Variants in ZNF814 observed in about 807,000 individuals in gnomAD.
ZNF814 encodes zinc finger protein 814.
A neutral mutation model predicts 7.5 loss-of-function variants in ZNF814; 5 were observed. The observed-to-expected ratio is 0.67, with a 90% CI of 0.35 to 1.40. The LOEUF (loss-of-function observed/expected upper bound fraction) is 1.40, where lower values mean the gene tolerates loss of function less well. Ranked by LOEUF, ZNF814 falls within the 40% of genes most tolerant of loss-of-function variation. The probability of loss-of-function intolerance (pLI) is 0.04; values close to 1 mark genes in which losing one functional copy is unlikely to be tolerated. For synonymous variants in ZNF814, 315 were observed against 340.7 expected, an observed-to-expected ratio of 0.92 and a Z score of 0.83; for missense variants, 962 against 1,018.0, an observed-to-expected ratio of 0.94 and a Z score of 0.75.
chr19:57,886,618 C>T (rs969897284), intron 1 of ZNF814, among the ~76,000 whole-genome samples: 1 of 151,824 alleles, frequency 6.6e-6, no homozygotes, highest in Non-Finnish European at 1.5e-5. Flanking sequence ...GTGGTTCACG[C>T]CTATAATCCC....
intron 1 of ZNF814, among the ~76,000 whole-genome samples, chr19:57,878,578 G>C (rs557207956): frequency 6.2e-4 from 93 of 150,934 alleles, no homozygotes; most frequent in African/African-American, 2.2e-3. Context: ...TCCTGCCTCA[G>C]CTCCTCAGTA....
chr19:57,897,249 A>G, the ZNF814 span, among the ~76,000 whole-genome samples: 1 of 152,166 alleles, frequency 6.6e-6, no homozygotes, highest in Admixed American at 6.5e-5. Context: ...ATTTGGCTGA[A>G]TATATTAAGG....
intron 1 of ZNF814, among the ~76,000 whole-genome samples, chr19:57,880,472 C>T (rs1309199978): frequency 2.6e-5 from 4 of 151,484 alleles, no homozygotes; most frequent in Admixed American, 6.6e-5. Context: ...ATACCACCTG[C>T]GTTATGGACT....
In ZNF814 at chr19:57,873,347, G is replaced by A. The variant is rs1328643200; in HGVS notation, c.2043C>T (p.Gly681=). The change falls in exon 3 of 3, where the codon GGC becomes GGT. Residue 681 remains glycine, a synonymous_variant. Transcript: ENST00000435989. ...ATACATAAGGTCTTTCTCCAGTATG[G>A]CCATGCTGGTGTAGAATGAGGTTAC... ...HKGNLILHQH[G]HTGERPYVCR... The A allele has an allele frequency of 6.3e-7, 1 of 1,595,536 alleles. No homozygotes were observed. Among genetic ancestry groups the A allele is most frequent in the Non-Finnish European group, 8.5e-7 (1 of 1,170,754 alleles).
Position 57,873,073 on chromosome 19 carries a change from C to T in ZNF814, c.2317G>A (p.Glu773Lys). The T allele has an allele frequency of 6.2e-7, 1 of 1,613,750 alleles. No individual in the cohort carries two copies. The highest frequency in any genetic ancestry group is 8.5e-7 in the Non-Finnish European group (1 of 1,179,910). Residue 773 changes from glutamate to lysine, a missense_variant, in exon 3 of 3, where the codon GAG (glutamate) becomes AAG (lysine). By Grantham distance (56) the Glu-to-Lys change is moderately conservative. Coordinates refer to ENST00000435989, the MANE Select transcript of ZNF814 (RefSeq NM_001144989.2). Reference sequence around the variant, plus strand: ...AAAGATTTTCCACATTCACTGCACTCATAAGGCTTTTCTCCAGTGTGAATT... The same window carrying T: ...AAAGATTTTCCACATTCACTGCACTTATAAGGCTTTTCTCCAGTGTGAATT... Reference protein sequence around the residue: ...KRIHTGEKPYECSECGKSFAE... With the variant: ...KRIHTGEKPYKCSECGKSFAE...
In ZNF814 at chr19:57,872,719, C is replaced by G. The variant is rs1357312096; in HGVS notation, c.*103G>C. ...AGAATGCAGAGCTGTGGGTAGATGACTTCCCACAATCACTGCATTCATATG... is the reference window on the plus strand; with the variant it reads ...AGAATGCAGAGCTGTGGGTAGATGAGTTCCCACAATCACTGCATTCATATG... On this transcript the variant is annotated 3_prime_UTR_variant, in exon 3 of 3. Transcript: ENST00000435989. The G allele has an allele frequency of 6.2e-7, 1 of 1,605,084 alleles. No individual in the cohort carries two copies. Among genetic ancestry groups the G allele is most frequent in the African/African-American group, 1.3e-5 (1 of 74,398 alleles).
chr19:57,883,152 A>T (rs1269096198), intron 1 of ZNF814, among the ~76,000 whole-genome samples: 3 of 151,842 alleles, frequency 2.0e-5, no homozygotes, highest in Admixed American at 1.3e-4. Flanking sequence ...AATTCAGGAG[A>T]TCGAGACCAT....
intron 1 of ZNF814, among the ~76,000 whole-genome samples, chr19:57,878,909 G>GCACACA (rs151236809): frequency 6.6e-6 from 1 of 151,030 alleles, no homozygotes; most frequent in East Asian, 1.9e-4. Context: ...CTACATACAT[G>GCACACA]CACACACACA....
At chr19:57,884,246 T>C (rs1181671616) in intron 1 of ZNF814, among the ~76,000 whole-genome samples, 2 of 152,168 alleles carry the variant, frequency 1.3e-5, no homozygotes, top group East Asian at 1.9e-4. Flanking sequence ...TACCAGAATA[T>C]ATAGAGTTCA....
At position 57,870,589 on chromosome 19, in the gene ZNF814, TCAA is replaced by T. The variant is rs1261625239; in HGVS notation, c.*2230_*2232del. On this transcript the variant is annotated 3_prime_UTR_variant, in exon 3 of 3. Transcript: ENST00000435989. Reference sequence around the variant, plus strand: ...TAGATTATTTCCTCTGACAATGGCCTCAACAATACAATATTCATCATTATGGAA... The same window carrying T: ...TAGATTATTTCCTCTGACAATGGCCTCAATACAATATTCATCATTATGGAA... The T allele has an allele frequency of 2.6e-5, 4 of 152,230 alleles. No individual in the cohort carries two copies. In the East Asian group the frequency reaches 7.7e-4, roughly 29 times the overall value. The allele number at this position is 152,230 out of a possible 1,614,324, so 9.4% of individuals were successfully genotyped here. A position where few individuals can be genotyped will look rare whatever the true frequency, so the allele number is the denominator to read the frequency against.
At position 57,873,174 on chromosome 19, in the gene ZNF814, G is replaced by T. The variant is rs766311608; in HGVS notation, c.2216C>A (p.Thr739Asn). 6.2e-7 allele frequency: 1 copy of T among 1,613,670 alleles called. No homozygotes were observed. The highest frequency in any genetic ancestry group is 8.5e-7 in the Non-Finnish European group (1 of 1,179,860). Residue 739 changes from threonine (T) to asparagine (N), a missense_variant, in exon 3 of 3, where the codon ACT becomes AAT. Around this residue, in one of 7 missense-constraint regions of ZNF814, gnomAD observed 665 missense variants for 551.4 expected, o/e 1.21. Transcript: ENST00000435989. ...YQLIAHQRVH[T>N]GERPYECNDC... is the part of the protein sequence containing the mutation. ...ATTGCATTCATAAGGCCTTTCTCCA[G>T]TGTGAACTCTCTGATGTGCAATGAG...
intron 1 of ZNF814, among the ~76,000 whole-genome samples, chr19:57,877,310 TCAGCA>T (rs2071614853): frequency 6.6e-6 from 1 of 152,166 alleles, no homozygotes; most frequent in Non-Finnish European, 1.5e-5. Context: ...TGTGGCACCT[TCAGCA>T]CAGCAGAGAT....
At chr19:57,899,771 A>G in the ZNF814 span, among the ~76,000 whole-genome samples, 1 of 152,246 alleles carries the variant, frequency 6.6e-6, no homozygotes, top group African/African-American at 2.4e-5. Flanking sequence ...ATTGTTCAAC[A>G]GAATGATCTG....
At chr19:57,887,169 C>A (rs2071700488) in intron 1 of ZNF814, among the ~76,000 whole-genome samples, 2 of 152,202 alleles carry the variant, frequency 1.3e-5, no homozygotes, top group South Asian at 2.1e-4. Context: ...GCCTGGGCAA[C>A]AAGAGCGAAA....
chr19:57,891,090 G>A (rs2071732049), upstream of ZNF814, among the ~76,000 whole-genome samples: 1 of 152,166 alleles, frequency 6.6e-6, no homozygotes, highest in Admixed American at 6.6e-5. Context: ...AGATGGCCAT[G>A]AGAGTGACCT....
chr19:57,875,159 A>G lies in ZNF814; in HGVS notation c.231T>C (p.Thr77=). The G allele has an allele frequency of 6.5e-7, 1 of 1,543,288 alleles. No individual in the cohort carries two copies. Residue 77 remains threonine (T), a synonymous_variant, in exon 3 of 3, where the codon ACT becomes ACC. Coordinates refer to ENST00000435989, the MANE Select transcript of ZNF814 (RefSeq NM_001144989.2). ...CACCTGCCATAGGAGTCCTGACCTG[A>G]GTCTCTCTTTGTATATAAATACTCT... ...SKQSIYIQRE[T]QVRTPMAGVS...
the ZNF814 span, among the ~76,000 whole-genome samples, chr19:57,898,340 C>T: frequency 6.6e-6 from 1 of 152,078 alleles, no homozygotes; most frequent in Non-Finnish European, 1.5e-5. Context: ...TAACAGTAAA[C>T]AAATGATGAG....
chr19:57,874,634 G>C lies in ZNF814; in HGVS notation c.756C>G (p.Ser252Arg). The C allele has an allele frequency of 1.3e-6, 2 of 1,554,574 alleles. No individual in the cohort carries two copies. The highest frequency in any genetic ancestry group is 2.0e-5 in the Admixed American group (1 of 51,130). The change falls in exon 3 of 3, where the codon AGC becomes AGG. Residue 252 changes from serine to arginine, a missense_variant. Ser to Arg is a moderately radical substitution (Grantham distance 110). This residue lies in a region of ZNF814 where 126 missense variants were observed against 123.5 expected (regional missense o/e 1.02). Coordinates refer to ENST00000435989, the MANE Select transcript of ZNF814 (RefSeq NM_001144989.2). ...YVCCECGKSF[S>R]KYASLSNHQR... is the part of the protein sequence containing the mutation. ...GATGATTACTCAAGCTAGCATATTT[G>C]CTAAAGGACTTCCCACATTCACAGC...
Position 57,888,814 on chromosome 19 carries a change from GT to G in ZNF814, c.-13del. The G allele has an allele frequency of 6.4e-7, 1 of 1,551,770 alleles. No individual in the cohort carries two copies. The highest frequency in any genetic ancestry group is 8.7e-7 in the Non-Finnish European group (1 of 1,147,028). Reference sequence around the variant, plus strand: ...GCCGCGGCAGCCATCGAACCACGTGGTTTTAAGCAGAGTCGGGAGGATAGGG... The same window carrying G: ...GCCGCGGCAGCCATCGAACCACGTGGTTTAAGCAGAGTCGGGAGGATAGGG... On this transcript the variant is annotated 5_prime_UTR_variant, in exon 1 of 3. Transcript: ENST00000435989.
Sources: gnomAD v4.1 joint callset for allele counts (sites outside exome capture counted in the v4.1 genomes callset) on GRCh38, gnomAD v4.1.1 for gene constraint, gnomAD v4.1.1 regional missense constraint, MANE v1.5 for transcripts, NCBI Gene and HGNC (gene_info 2026-07-23, HGNC 2026-07-21) for gene names.